Variants in GNG4 observed in about 807,000 individuals in gnomAD.
The protein encoded by GNG4 is G protein subunit gamma 4.
Under a neutral mutation model 5.8 loss-of-function variants are expected in GNG4, and 4 were observed. The ratio of observed to expected loss-of-function variants is 0.69; its 90% CI spans 0.34 to 1.57. The LOEUF (loss-of-function observed/expected upper bound fraction) is 1.57. GNG4 is among the 40% of genes most tolerant of loss of function. The pLI is 0.06. For synonymous variants in GNG4, 29 were observed against 32.9 expected (o/e 0.88, Z 0.41); for missense variants, 96 against 95.1 (o/e 1.01, Z -0.04).
At chr1:235,638,270 G>A (rs1164146233) in intron 1 of GNG4, among the ~76,000 whole-genome samples, 1 of 152,124 alleles carries the variant, frequency 6.6e-6, no homozygotes, top group Non-Finnish European at 1.5e-5. Context: ...GGTTTCTATT[G>A]TGGCTACAAC....
chr1:235,558,199 G>C (rs183841042), intron 3 of GNG4, among the ~76,000 whole-genome samples: 2 of 152,240 alleles, frequency 1.3e-5, no homozygotes, highest in South Asian at 4.2e-4. Flanking sequence ...GGTTGGTTCC[G>C]TGAAACATTA....
intron 3 of GNG4, among the ~76,000 whole-genome samples, chr1:235,553,169 G>A (rs559854924): frequency 2.0e-5 from 3 of 152,244 alleles, no homozygotes; most frequent in South Asian, 2.1e-4. Flanking sequence ...GCCTGCTGGC[G>A]CATGGCAGTT....
At chr1:235,628,030 A>C (rs1183749619) in intron 1 of GNG4, among the ~76,000 whole-genome samples, 1 of 152,070 alleles carries the variant, frequency 6.6e-6, no homozygotes, top group Non-Finnish European at 1.5e-5. Context: ...CAAATACAAA[A>C]TTAGCTGGGC....
intron 1 of GNG4, among the ~76,000 whole-genome samples, chr1:235,597,248 C>G (rs908476783): frequency 2.6e-5 from 4 of 152,194 alleles, no homozygotes; most frequent in East Asian, 3.9e-4. Context: ...GCTAAAAGCC[C>G]GACAAGAATA....
chr1:235,578,464 A>G (rs1558482090), intron 3 of GNG4, among the ~76,000 whole-genome samples: 2 of 152,186 alleles, frequency 1.3e-5, no homozygotes, highest in African/African-American at 2.4e-5. Flanking sequence ...TCAAAGAAAG[A>G]TCTGTGTTTC....
At chr1:235,637,513 C>T (rs572318108) in intron 1 of GNG4, among the ~76,000 whole-genome samples, 21 of 152,032 alleles carry the variant, frequency 1.4e-4, no homozygotes, top group Non-Finnish European at 2.2e-4. Flanking sequence ...ATTAGCTGGG[C>T]GCGGTGGCGC....
At chr1:235,577,587 C>T (rs1043244938) in intron 3 of GNG4, among the ~76,000 whole-genome samples, 7 of 152,090 alleles carry the variant, frequency 4.6e-5, no homozygotes, top group Non-Finnish European at 7.4e-5. Flanking sequence ...GCTACAGGCA[C>T]GTGCCACCAC....
intron 2 of GNG4, among the ~76,000 whole-genome samples, chr1:235,590,178 G>A (rs1687923413): frequency 1.3e-5 from 2 of 152,174 alleles, no homozygotes; most frequent in Admixed American, 1.3e-4. Context: ...GGAGAGGCTG[G>A]GTGTGGTGGC....
intron 3 of GNG4, among the ~76,000 whole-genome samples, chr1:235,565,142 G>C (rs1687162401): frequency 6.6e-6 from 1 of 152,120 alleles, no homozygotes; most frequent in African/African-American, 2.4e-5. Context: ...AGACCACTCG[G>C]GCCATGGTGC....
chr1:235,643,456 A>AC (rs1467960861), intron 1 of GNG4, among the ~76,000 whole-genome samples: 2 of 151,852 alleles, frequency 1.3e-5, no homozygotes, highest in Non-Finnish European at 2.9e-5. Flanking sequence ...TCACACATGC[A>AC]CCCCCTCTAG....
intron 3 of GNG4, among the ~76,000 whole-genome samples, chr1:235,569,352 G>T (rs969766459): frequency 2.0e-5 from 3 of 151,910 alleles, no homozygotes; most frequent in Admixed American, 6.6e-5. Flanking sequence ...TAGCTATTTG[G>T]GAGGCTGAAG....
intron 1 of GNG4, among the ~76,000 whole-genome samples, chr1:235,597,577 TA>T (rs1307842252): frequency 6.9e-6 from 1 of 143,894 alleles, no homozygotes; most frequent in Non-Finnish European, 1.5e-5. Context: ...TTTTTTTTTT[TA>T]ACTTGTTTGC....
intron 3 of GNG4, 112 bp from the exon 4 acceptor site, chr1:235,552,349 T>A: frequency 2.1e-6 from 2 of 966,604 alleles, no homozygotes; most frequent in South Asian, 2.8e-5. Flanking sequence ...CTGTATTGTG[T>A]GCACGGCCTA....
At chr1:235,601,520 C>T (rs547224053) in intron 1 of GNG4, among the ~76,000 whole-genome samples, 32 of 152,282 alleles carry the variant, frequency 2.1e-4, no homozygotes, top group Non-Finnish European at 4.1e-4. Context: ...ACTTGCCCGC[C>T]CTCAAAGAGC....
chr1:235,601,471 C>A (rs1316477673), intron 1 of GNG4, among the ~76,000 whole-genome samples: 1 of 152,196 alleles, frequency 6.6e-6, no homozygotes, highest in Admixed American at 6.5e-5. Context: ...ATCTACATTG[C>A]TTTCTATGAT....
chr1:235,587,181 G>C (rs1467157941), intron 2 of GNG4, among the ~76,000 whole-genome samples: 2 of 149,462 alleles, frequency 1.3e-5, no homozygotes, highest in African/African-American at 2.5e-5. Flanking sequence ...GAGTGTGTGG[G>C]GGTGAGTGTG....
At chr1:235,583,921 C>T in intron 2 of GNG4, 73 bp from the exon 3 acceptor site, 2 of 836,564 alleles carry the variant, frequency 2.4e-6, no homozygotes, top group East Asian at 2.6e-5. Context: ...CTCCCACCAC[C>T]TACAGCTTCT....
rs12725676 is a variant in GNG4 at position 235,649,496 on chromosome 1, C to G, written c.-123+166G>C. ...AGAGGAGGCCGAGGGAACCACAGGT[C>G]TTTGTGTCGCGTGCAGCAGCAGCTG... On this transcript the variant is annotated intron_variant, in intron 1 of 3. Coordinates refer to ENST00000391854, the MANE Select transcript of GNG4 (RefSeq NM_001098722.2). The surrounding 1 kb of genome is among the most constrained non-coding windows in gnomAD (Gnocchi z 5.7). Among the ~76,000 whole-genome samples, 1 of 152,062 alleles carries G rather than the reference C, an allele frequency of 6.6e-6. No individual in the cohort carries two copies. The highest frequency in any genetic ancestry group is 1.5e-5 in the Non-Finnish European group (1 of 67,986).
At chr1:235,645,379 T>C (rs1311672570) in intron 1 of GNG4, among the ~76,000 whole-genome samples, 1 of 152,240 alleles carries the variant, frequency 6.6e-6, no homozygotes, top group East Asian at 1.9e-4. Flanking sequence ...ACTGCTTTGC[T>C]AGAAATCTCT....
Sources: gnomAD v4.1 joint callset for allele counts (sites outside exome capture counted in the v4.1 genomes callset) on GRCh38, gnomAD v4.1.1 for gene constraint, Gnocchi (gnomAD v3.1) non-coding constraint, MANE v1.5 for transcripts, NCBI Gene and HGNC (gene_info 2026-07-23, HGNC 2026-07-21) for gene names.